The following CHD1L variants were observed in gnomAD, a reference collection of about 807,000 sequenced individuals.
The protein encoded by CHD1L is ATP-dependent chromatin remodeler CHD1L.
Under a neutral mutation model 115.9 loss-of-function variants are expected in CHD1L, and 118 were observed. The observed-to-expected ratio is 1.02, with a 90% CI of 0.88 to 1.19. CHD1L has a LOEUF of 1.19. Ranked by LOEUF, CHD1L falls within the 50% of genes most tolerant of loss-of-function variation. The probability of loss-of-function intolerance (pLI) is 0.00; values close to 1 mark genes in which losing one functional copy is unlikely to be tolerated. For synonymous variants in CHD1L, 411 were observed against 387.1 expected, an observed-to-expected ratio of 1.06 and a Z score of -0.72; for missense variants, 1,179 against 1,065.3, an observed-to-expected ratio of 1.11 and a Z score of -1.49.
At chr1:147,227,319 G>A in the CHD1L span, among the ~76,000 whole-genome samples, 1 of 152,176 alleles carries the variant, frequency 6.6e-6, no homozygotes, top group Non-Finnish European at 1.5e-5. Flanking sequence ...TAGAAGAAAT[G>A]CCTAAAGGAA....
the CHD1L span, among the ~76,000 whole-genome samples, chr1:147,182,695 C>T: frequency 6.6e-6 from 1 of 152,054 alleles, no homozygotes; most frequent in Non-Finnish European, 1.5e-5. Flanking sequence ...CTAATAATTT[C>T]AATCAGAAGT....
At chr1:147,189,566 C>T in the CHD1L span, among the ~76,000 whole-genome samples, 1 of 152,136 alleles carries the variant, frequency 6.6e-6, no homozygotes, top group African/African-American at 2.4e-5. Context: ...GACTTACCAT[C>T]AATTTCCACT....
chr1:147,236,780 T>C, the CHD1L span, among the ~76,000 whole-genome samples: 1 of 152,212 alleles, frequency 6.6e-6, no homozygotes, highest in Non-Finnish European at 1.5e-5. Flanking sequence ...CAAGTCTGGC[T>C]GAGTCTGGGG....
chr1:147,207,837 T>C, the CHD1L span, among the ~76,000 whole-genome samples: 2 of 152,142 alleles, frequency 1.3e-5, no homozygotes, highest in Admixed American at 1.3e-4. Context: ...TGTGTGCCCC[T>C]CCCCTGTGGT....
chr1:147,199,763 T>C, the CHD1L span, among the ~76,000 whole-genome samples: 1,108 of 152,292 alleles, frequency 7.3e-3, 12 homozygotes, highest in African/African-American at 0.025. Context: ...ATCTGCTGGA[T>C]AGGACTGGAA....
the CHD1L span, among the ~76,000 whole-genome samples, chr1:147,218,124 TAA>T: frequency 6.6e-6 from 1 of 152,160 alleles, no homozygotes; most frequent in Non-Finnish European, 1.5e-5. Context: ...CAAAATAATA[TAA>T]AGTCAAATGC....
intron 18 of CHD1L, among the ~76,000 whole-genome samples, 163 bp from the exon 19 acceptor site, chr1:147,287,472 A>G (rs1363746555): frequency 6.6e-6 from 1 of 152,208 alleles, no homozygotes; most frequent in Non-Finnish European, 1.5e-5. Flanking sequence ...ACATAAACAT[A>G]TTTGGGAAGT....
intron 2 of CHD1L, among the ~76,000 whole-genome samples, chr1:147,253,817 C>T (rs782800600): frequency 1.3e-5 from 2 of 152,082 alleles, no homozygotes; most frequent in African/African-American, 2.4e-5. Flanking sequence ...AATTATAGTG[C>T]GTATATAGTT....
At chr1:147,278,222 GTTTT>G (rs71083825) in intron 14 of CHD1L, among the ~76,000 whole-genome samples, 4 of 91,130 alleles carry the variant, frequency 4.4e-5, no homozygotes, top group Non-Finnish European at 7.7e-5. Flanking sequence ...TGTTTTTTGG[GTTTT>G]TTTTTTTTTT....
intron 8 of CHD1L, 115 bp downstream of exon 8, chr1:147,266,202 G>T: frequency 9.9e-7 from 1 of 1,006,238 alleles, no homozygotes; most frequent in Non-Finnish European, 1.4e-6. Context: ...ATGGAATTTT[G>T]TATTCTGAAT....
chr1:147,194,610 C>T, the CHD1L span, among the ~76,000 whole-genome samples: 1 of 152,116 alleles, frequency 6.6e-6, no homozygotes, highest in South Asian at 2.1e-4. Flanking sequence ...CCTTGACAGT[C>T]TTTACATTTT....
At chr1:147,275,600 C>G (rs1678089584) in intron 13 of CHD1L, 132 bp downstream of exon 13, 3 of 661,168 alleles carry the variant, frequency 4.5e-6, no homozygotes, top group Admixed American at 2.4e-5. Flanking sequence ...CTCATCTGTG[C>G]TATTGACTCC....
chr1:147,213,160 C>T, the CHD1L span: 1,061 of 662,188 alleles, frequency 1.6e-3, 1 homozygote, highest in Non-Finnish European at 2.1e-3. Context: ...ATACAAGTTA[C>T]CCCAACATCC....
chr1:147,291,651 G>A, intron 20 of CHD1L, 99 bp downstream of exon 20: 1 of 870,004 alleles, frequency 1.1e-6, no homozygotes, highest in Admixed American at 1.9e-5. Flanking sequence ...TAGTGTATTA[G>A]TTTGTTAGGG....
chr1:147,222,164 G>A, the CHD1L span, among the ~76,000 whole-genome samples: 2 of 152,156 alleles, frequency 1.3e-5, no homozygotes, highest in Admixed American at 1.3e-4. Context: ...GAGGTGAGGA[G>A]TTCGAGAATA....
At chr1:147,263,346 C>T (rs1358483997) in intron 6 of CHD1L, among the ~76,000 whole-genome samples, 3 of 149,138 alleles carry the variant, frequency 2.0e-5, no homozygotes, top group African/African-American at 7.4e-5. Context: ...GGGAAGATCA[C>T]TTGAACCGGG....
chr1:147,282,416 CT>C (rs1443826502), intron 15 of CHD1L, among the ~76,000 whole-genome samples: 3 of 152,104 alleles, frequency 2.0e-5, no homozygotes, highest in African/African-American at 7.2e-5. Context: ...GTACTCTGTA[CT>C]TGTAAGTCCT....
chr1:147,203,738 A>G, the CHD1L span: 2 of 1,536,278 alleles, frequency 1.3e-6, no homozygotes, highest in Non-Finnish European at 1.8e-6. Context: ...AAGAACTTTG[A>G]AAGTATTAAC....
intron 2 of CHD1L, among the ~76,000 whole-genome samples, 167 bp from the exon 3 acceptor site, chr1:147,254,703 C>T (rs944470030): frequency 1.3e-5 from 2 of 152,172 alleles, no homozygotes; most frequent in South Asian, 2.1e-4. Flanking sequence ...TACATGATTT[C>T]GCTCTACGAA....
Sources: allele counts gnomAD v4.1 joint callset (sites outside exome capture counted in the v4.1 genomes callset), GRCh38; gene constraint gnomAD v4.1.1; transcripts MANE v1.5; gene names NCBI Gene and HGNC (gene_info 2026-07-23, HGNC 2026-07-21).